Variants in RIMS2 observed in about 807,000 individuals in gnomAD.
The protein encoded by RIMS2 is regulating synaptic membrane exocytosis 2, also known as regulating synaptic membrane exocytosis protein 2.
In RIMS2, 59 loss-of-function variants were observed where a neutral mutation model predicts 174.4. The ratio of observed to expected loss-of-function variants is 0.34; its 90% CI spans 0.27 to 0.42. RIMS2 has a LOEUF of 0.42. RIMS2 is among the 10% of genes least tolerant of loss of function. The pLI, the probability that RIMS2 is intolerant of heterozygous loss-of-function variation, is 1.00. For synonymous variants in RIMS2, 606 were observed against 572.5 expected (o/e 1.06, Z -0.84); for missense variants, 1,620 against 1,666.3 (o/e 0.97, Z 0.48).
chr8:103,585,656 C>T (rs907521667), intron 1 of RIMS2, among the ~76,000 whole-genome samples: 46 of 151,954 alleles, frequency 3.0e-4, no homozygotes, highest in Non-Finnish European at 5.9e-5. Flanking sequence ...ACCACATGTT[C>T]TCATAAGTGG....
intron 1 of RIMS2, among the ~76,000 whole-genome samples, chr8:103,611,864 C>G (rs1305667243): frequency 2.0e-5 from 3 of 152,052 alleles, no homozygotes; most frequent in Non-Finnish European, 4.4e-5. Context: ...AATAAACTTT[C>G]TATCTATATC....
chr8:104,199,284 G>C (rs887870093), intron 19 of RIMS2, among the ~76,000 whole-genome samples: 1 of 151,706 alleles, frequency 6.6e-6, no homozygotes, highest in African/African-American at 2.4e-5. Context: ...GGAGGGTCTA[G>C]ATCTCCTGAC....
chr8:104,011,877 T>A (rs2095772848), intron 17 of RIMS2, among the ~76,000 whole-genome samples: 1 of 151,982 alleles, frequency 6.6e-6, no homozygotes. Context: ...TTGTTTCTGT[T>A]GATTGTGATG....
intron 19 of RIMS2, among the ~76,000 whole-genome samples, chr8:104,194,549 G>A (rs908235742): frequency 6.6e-6 from 1 of 152,110 alleles, no homozygotes; most frequent in African/African-American, 2.4e-5. Context: ...TCTTGCTCTT[G>A]AAGTTCAATT....
At chr8:103,975,019 A>C (rs530581819) in intron 15 of RIMS2, among the ~76,000 whole-genome samples, 42 of 152,336 alleles carry the variant, frequency 2.8e-4, no homozygotes, top group African/African-American at 9.6e-4. Flanking sequence ...GTCATTGAAG[A>C]GATGAAAATA....
Position 103,951,811 on chromosome 8 carries a change from G to A in RIMS2, c.2701+8885G>A, listed in dbSNP as rs570974252. ...AGGGAGCCAAGTGGTCTGGCTCAGC[G>A]GATCCCACCTCAATGGAGCCCAGCA... is the stretch of plus-strand genomic sequence containing the variant. On this transcript the variant is annotated intron_variant, in intron 14 of 23. Transcript: ENST00000504942. Among the ~76,000 whole-genome samples the A allele has an allele frequency of 1.1e-3, 168 of 152,336 alleles. 1 individual carries two copies. Among genetic ancestry groups the A allele is most frequent in the African/African-American group, 3.6e-3 (149 of 41,584 alleles).
At chr8:103,963,238 A>G (rs1279296571) in intron 15 of RIMS2, among the ~76,000 whole-genome samples, 1 of 152,144 alleles carries the variant, frequency 6.6e-6, no homozygotes, top group Non-Finnish European at 1.5e-5. Flanking sequence ...GTGAAATGCA[A>G]TGTATACATA....
At chr8:103,719,745 A>G (rs1279193721) in intron 2 of RIMS2, among the ~76,000 whole-genome samples, 6 of 152,192 alleles carry the variant, frequency 3.9e-5, no homozygotes, top group Admixed American at 3.9e-4. Context: ...ACTGTATGGT[A>G]AATTATTTTC....
At chr8:103,707,658 G>A (rs186745012) in intron 2 of RIMS2, among the ~76,000 whole-genome samples, 18 of 152,192 alleles carry the variant, frequency 1.2e-4, no homozygotes, top group East Asian at 3.9e-4. Flanking sequence ...TGGGTGACTC[G>A]GCACTGCTGT....
chr8:104,036,311 T>G (rs1360932767), intron 19 of RIMS2, among the ~76,000 whole-genome samples: 1 of 151,488 alleles, frequency 6.6e-6, no homozygotes, highest in Admixed American at 6.6e-5. Context: ...CCACCATGCC[T>G]AGCTAATTTT....
chr8:103,746,576 T>C (rs918244650), intron 2 of RIMS2, among the ~76,000 whole-genome samples: 1 of 152,148 alleles, frequency 6.6e-6, no homozygotes, highest in Non-Finnish European at 1.5e-5. Context: ...TATCCATTAG[T>C]TGTTTTCCTG....
intron 19 of RIMS2, among the ~76,000 whole-genome samples, chr8:104,021,932 T>C (rs906166446): frequency 1.3e-5 from 2 of 152,076 alleles, no homozygotes; most frequent in Admixed American, 1.3e-4. Flanking sequence ...GGGGATGAAA[T>C]TGTAAGGCTG....
At chr8:103,910,592 C>T in intron 5 of RIMS2, 63 bp downstream of exon 8, 2 of 903,274 alleles carry the variant, frequency 2.2e-6, no homozygotes, top group Non-Finnish European at 3.5e-6. Flanking sequence ...CTCTCTGTCA[C>T]TCATTAAAAC....
At chr8:104,227,758 G>T (rs1226882957) in intron 19 of RIMS2, among the ~76,000 whole-genome samples, 1 of 152,042 alleles carries the variant, frequency 6.6e-6, no homozygotes, top group Admixed American at 6.6e-5. Context: ...ATATAGTTTG[G>T]CAATCATACA....
intron 1 of RIMS2, among the ~76,000 whole-genome samples, chr8:103,659,971 G>T (rs2096577835): frequency 6.6e-6 from 1 of 152,240 alleles, no homozygotes; most frequent in South Asian, 2.1e-4. Context: ...CTCCCGCCTG[G>T]ATGGTCTTCA....
chr8:103,981,777 A>C (rs1475613726), intron 16 of RIMS2, among the ~76,000 whole-genome samples: 1 of 152,076 alleles, frequency 6.6e-6, no homozygotes, highest in African/African-American at 2.4e-5. Flanking sequence ...TTCAGAGCAG[A>C]ATAGATCAAG....
intron 16 of RIMS2, among the ~76,000 whole-genome samples, chr8:103,983,303 G>T (rs193301552): frequency 6.6e-6 from 1 of 152,280 alleles, no homozygotes. Context: ...AATCAATGAT[G>T]TTAAACTTTC....
At chr8:103,998,269 T>A (rs2095228113) in intron 17 of RIMS2, 2 of 1,568,946 alleles carry the variant, frequency 1.3e-6, no homozygotes, top group Middle Eastern at 1.7e-4. Flanking sequence ...TTCTTACAAT[T>A]GAGTCTGTTT....
intron 1 of RIMS2, among the ~76,000 whole-genome samples, chr8:103,619,333 G>T (rs561813821): frequency 1.5e-3 from 235 of 151,986 alleles, no homozygotes; most frequent in Non-Finnish European, 2.5e-3. Flanking sequence ...TCAACATTGT[G>T]GTTGAGGGAG....
Sources: allele counts gnomAD v4.1 joint callset (sites outside exome capture counted in the v4.1 genomes callset), GRCh38; gene constraint gnomAD v4.1.1; transcripts MANE v1.5; gene names NCBI Gene and HGNC (gene_info 2026-07-23, HGNC 2026-07-21).